The following PARD3B variants were observed in gnomAD, a reference collection of about 807,000 sequenced individuals.
The protein encoded by PARD3B is partitioning defective 3 homolog B.
A neutral mutation model predicts 130.2 loss-of-function variants in PARD3B; 103 were observed. The observed-to-expected ratio is 0.79, with a 90% CI of 0.67 to 0.93. PARD3B has a LOEUF of 0.93. Ranked by LOEUF, PARD3B falls within the 40% of genes least tolerant of loss-of-function variation. The pLI is 0.00. For synonymous variants in PARD3B, 583 were observed against 553.2 expected (o/e 1.05, Z -0.76); for missense variants, 1,609 against 1,499.2 (o/e 1.07, Z -1.21).
intron 1 of PARD3B, among the ~76,000 whole-genome samples, chr2:204,682,379 C>T (rs1232990955): frequency 5.3e-5 from 8 of 152,126 alleles, no homozygotes; most frequent in African/African-American, 9.7e-5. Flanking sequence ...GATGGATTAA[C>T]TGTTTTATGA....
intron 2 of PARD3B, among the ~76,000 whole-genome samples, chr2:204,919,617 T>C (rs1238678130): frequency 6.6e-6 from 1 of 152,212 alleles, no homozygotes; most frequent in Non-Finnish European, 1.5e-5. Flanking sequence ...GTATGGAATA[T>C]TCCAAAAGTT....
intron 3 of PARD3B, among the ~76,000 whole-genome samples, chr2:205,000,993 G>GTTTT (rs372096916): frequency 5.3e-5 from 8 of 152,122 alleles, no homozygotes; most frequent in African/African-American, 1.9e-4. Context: ...TTGTTTGTTT[G>GTTTT]TTTGTTTGTT....
chr2:205,135,061 G>A (rs1466683410), intron 10 of PARD3B, among the ~76,000 whole-genome samples: 1 of 152,174 alleles, frequency 6.6e-6, no homozygotes, highest in Non-Finnish European at 1.5e-5. Flanking sequence ...CTTATTAGTG[G>A]CGACTGTGGC....
intron 2 of PARD3B, among the ~76,000 whole-genome samples, chr2:204,953,519 T>C (rs1044371461): frequency 2.0e-5 from 3 of 151,826 alleles, no homozygotes; most frequent in African/African-American, 7.3e-5. Context: ...TTGTTCACTT[T>C]TTTCTCTCTG....
chr2:204,877,771 CAGG>C (rs1360351379), intron 2 of PARD3B, among the ~76,000 whole-genome samples: 2 of 152,146 alleles, frequency 1.3e-5, no homozygotes, highest in African/African-American at 4.8e-5. Context: ...AGTTTGCAGA[CAGG>C]AGAACTGTGT....
At chr2:205,086,119 T>C (rs1701726933) in intron 4 of PARD3B, among the ~76,000 whole-genome samples, 1 of 152,224 alleles carries the variant, frequency 6.6e-6, no homozygotes, top group African/African-American at 2.4e-5. Flanking sequence ...CCACTCAGTA[T>C]AGTTTCCAGC....
At chr2:204,917,400 T>C (rs2047488207) in intron 2 of PARD3B, among the ~76,000 whole-genome samples, 1 of 152,194 alleles carries the variant, frequency 6.6e-6, no homozygotes, top group African/African-American at 2.4e-5. Context: ...TTTTGGGTAT[T>C]CAGGATGGAT....
chr2:204,877,590 G>T (rs1017668437), intron 2 of PARD3B, among the ~76,000 whole-genome samples: 1 of 151,966 alleles, frequency 6.6e-6, no homozygotes, highest in Non-Finnish European at 1.5e-5. Flanking sequence ...AATTCTTACT[G>T]TCCCTCTACT....
chr2:205,153,534 G>A (rs1458533806), intron 10 of PARD3B, among the ~76,000 whole-genome samples: 1 of 152,018 alleles, frequency 6.6e-6, no homozygotes, highest in African/African-American at 2.4e-5. Flanking sequence ...TCACAGAATT[G>A]GAAAAAACTA....
At chr2:205,126,624 T>C (rs1203648979) in intron 10 of PARD3B, among the ~76,000 whole-genome samples, 6 of 151,112 alleles carry the variant, frequency 4.0e-5, no homozygotes, top group African/African-American at 9.7e-5. Flanking sequence ...CGGGCACCTG[T>C]AGTCCCAGCT....
At chr2:205,271,855 C>T (rs1419921024) in intron 16 of PARD3B, among the ~76,000 whole-genome samples, 1 of 151,938 alleles carries the variant, frequency 6.6e-6, no homozygotes, top group East Asian at 1.9e-4. Flanking sequence ...CCTTTTATAC[C>T]AAGATTAGTG....
chr2:205,294,126 C>A (rs1178705007), intron 16 of PARD3B, among the ~76,000 whole-genome samples: 1 of 151,654 alleles, frequency 6.6e-6, no homozygotes, highest in African/African-American at 2.4e-5. Flanking sequence ...TTTGTTTGTT[C>A]ATTTTGTTTT....
chr2:204,872,529 C>G (rs2045669596), intron 2 of PARD3B, among the ~76,000 whole-genome samples: 1 of 152,154 alleles, frequency 6.6e-6, no homozygotes, highest in African/African-American at 2.4e-5. Context: ...ATTGAGCTAG[C>G]TATGCGGTTT....
At chr2:205,186,359 A>C (rs1286738337) in intron 14 of PARD3B, among the ~76,000 whole-genome samples, 2 of 152,230 alleles carry the variant, frequency 1.3e-5, no homozygotes, top group African/African-American at 4.8e-5. Flanking sequence ...TCTGTAATAG[A>C]AACTAAAAAA....
intron 4 of PARD3B, among the ~76,000 whole-genome samples, chr2:205,082,998 C>A (rs1019432581): frequency 1.1e-4 from 16 of 150,822 alleles, no homozygotes; most frequent in Non-Finnish European, 2.9e-5. Flanking sequence ...CGGCTCACTG[C>A]AACCTCTGCC....
At chr2:205,357,601 G>C (rs905916429) in intron 18 of PARD3B, among the ~76,000 whole-genome samples, 2 of 152,078 alleles carry the variant, frequency 1.3e-5, no homozygotes, top group African/African-American at 4.8e-5. Flanking sequence ...GAAAGATTCT[G>C]AAGTTTTGGA....
Position 204,967,854 on chromosome 2 carries a change from G to A in PARD3B, c.394+2531G>A, listed in dbSNP as rs1047042721. On this transcript the variant is annotated intron_variant, in intron 3 of 22. Coordinates refer to ENST00000406610, the MANE Select transcript of PARD3B (RefSeq NM_001302769.2). This position sits in a 1 kb window ranked among gnomAD's most constrained non-coding sequence, Gnocchi z 4.4. ...GAGGCAGTATTGATGGCACTTCTGG[G>A]AGTGTGACCTGGCTGTCCTGTCTGG... Among the ~76,000 whole-genome samples the A allele has an allele frequency of 2.6e-5, 4 of 152,158 alleles. No individual in the cohort carries two copies. The highest frequency in any genetic ancestry group is 9.7e-5 in the African/African-American group (4 of 41,432).
intron 2 of PARD3B, among the ~76,000 whole-genome samples, chr2:204,828,421 G>A (rs531630387): frequency 6.6e-6 from 1 of 152,194 alleles, no homozygotes; most frequent in South Asian, 2.1e-4. Flanking sequence ...TCTGAGGTGA[G>A]GCCCCAAGCA....
Position 205,592,123 on chromosome 2 carries a change from A to G in PARD3B, c.3261-23333A>G, listed in dbSNP as rs1198189652. The stretch of plus-strand genomic sequence containing the variant: ...CAGGCCTAGGAGCTTGCTTAGTATC[A>G]TAATTCCCACTTCCGAGTGAAGAAA... On this transcript the variant is annotated intron_variant, in intron 22 of 22. Coordinates refer to ENST00000406610, the MANE Select transcript of PARD3B (RefSeq NM_001302769.2). This position sits in a 1 kb window ranked among gnomAD's most constrained non-coding sequence, Gnocchi z 4.5. Among the ~76,000 whole-genome samples, 2 of 152,222 alleles carry G rather than the reference A, an allele frequency of 1.3e-5. No homozygotes were observed. The highest frequency in any genetic ancestry group is 6.5e-5 in the Admixed American group (1 of 15,278).
Sources: allele counts gnomAD v4.1 joint callset (sites outside exome capture counted in the v4.1 genomes callset), GRCh38; gene constraint gnomAD v4.1.1; non-coding constraint Gnocchi (gnomAD v3.1); transcripts MANE v1.5; gene names NCBI Gene and HGNC (gene_info 2026-07-23, HGNC 2026-07-21).